RBBP6: variants seen among roughly 807,000 people sequenced by gnomAD.
RBBP6 encodes the protein RB binding protein 6, ubiquitin ligase.
Under a neutral mutation model 167.7 loss-of-function variants are expected in RBBP6, and 25 were observed. The observed-to-expected ratio is 0.15, with a 90% confidence interval of 0.11 to 0.21. The LOEUF is 0.21. Ranked by LOEUF, RBBP6 falls within the 10% of genes least tolerant of loss-of-function variation. The pLI is 1.00. For missense variants in RBBP6, 1,868 were observed against 2,134.2 expected (o/e 0.88, Z 2.46); for synonymous variants, 789 against 735.8 (o/e 1.07, Z -1.17).
chr16:24,552,477 A>G (rs1898819882), intron 3 of RBBP6, among the ~76,000 whole-genome samples: 2 of 151,928 alleles, frequency 1.3e-5, no homozygotes, highest in African/African-American at 2.4e-5. Flanking sequence ...CTACGTAGGA[A>G]GCTGTAGGGA....
intron 7 of RBBP6, chr16:24,558,402 TTTTCTC>T: frequency 2.3e-6 from 2 of 868,532 alleles, no homozygotes; most frequent in Non-Finnish European, 2.8e-6. Flanking sequence ...TTTTTTTCTT[TTTTCTC>T]TCTTTTGGGC....
At chr16:24,559,082 T>G (rs1473267070) in intron 7 of RBBP6, among the ~76,000 whole-genome samples, 1 of 152,332 alleles carries the variant, frequency 6.6e-6, no homozygotes, top group Admixed American at 6.5e-5. Context: ...GGAGATTTTT[T>G]GGGATTTTTA....
In RBBP6 at chr16:24,558,048, T is replaced by C. The variant is rs190697754; in HGVS notation, c.675-1457T>C. Reference sequence around the variant, plus strand: ...ATGCTGTTTCTAATTCAGAGACATTTCATAGATGTTTCCAAATAACTTTAG... The same window carrying C: ...ATGCTGTTTCTAATTCAGAGACATTCCATAGATGTTTCCAAATAACTTTAG... On this transcript the variant is annotated intron_variant, in intron 7 of 17. Coordinates refer to ENST00000319715, the MANE Select transcript of RBBP6 (RefSeq NM_006910.5). 2.4e-3 allele frequency among the ~76,000 whole-genome samples: 368 copies of C among 152,360 alleles called. 2 individuals are homozygous for C. Among genetic ancestry groups the C allele is most frequent in the Non-Finnish European group, 3.9e-3 (265 of 68,036 alleles).
rs1017422481 is a variant in RBBP6, at chr16:24,540,437, C to CG, written c.-184dup. 29 of 489,286 alleles carry CG rather than the reference C, an allele frequency of 5.9e-5. No homozygotes were observed. The highest frequency in any genetic ancestry group is 2.6e-4 in the East Asian group (8 of 30,218). The allele number at this position is 489,286 out of a possible 1,614,324, so 30.3% of individuals were successfully genotyped here. ...TCCCCCATGAAGTGATTCTGAGTAT[C>CG]GGGGGGTCTCTGGATTATTGTTCTG... On this transcript the variant is annotated 5_prime_UTR_variant, in exon 1 of 18. Coordinates refer to ENST00000319715, the MANE Select transcript of RBBP6 (RefSeq NM_006910.5).
chr16:24,549,714 T>G (rs1180812605), intron 3 of RBBP6, among the ~76,000 whole-genome samples: 3 of 152,014 alleles, frequency 2.0e-5, no homozygotes, highest in East Asian at 3.8e-4. Context: ...ATAAACTGAT[T>G]ATATTGTTTT....
At chr16:24,556,812 G>A (rs62030523) in intron 7 of RBBP6, among the ~76,000 whole-genome samples, 6,743 of 152,160 alleles carry the variant, frequency 0.044, 357 homozygotes, top group South Asian at 0.26. Flanking sequence ...TTGAGAAACA[G>A]GAGGCTTAAG....
Position 24,568,790 on chromosome 16 carries a change from T to C in RBBP6, c.2100T>C (p.Tyr700=). The C allele has an allele frequency of 6.2e-7, 1 of 1,614,226 alleles. No individual in the cohort carries two copies. The highest frequency in any genetic ancestry group is 8.5e-7 in the Non-Finnish European group (1 of 1,180,044). ...YSGSSYSRSS[Y]TYSKSRSGST... ...GTTCTTCGTATTCAAGAAGTTCATA[T>C]ACTTATTCTAAATCAAGATCTGGTT... Residue 700 remains tyrosine (Y), a synonymous_variant, in exon 17 of 18, where the codon TAT becomes TAC. Transcript: ENST00000319715.
intron 2 of RBBP6, among the ~76,000 whole-genome samples, chr16:24,546,631 AT>A (rs1384488005): frequency 6.6e-6 from 1 of 152,166 alleles, no homozygotes; most frequent in Admixed American, 6.5e-5. Flanking sequence ...GGTCCTAAAT[AT>A]TTTGACAGCA....
chr16:24,547,510 T>C (rs532379031), intron 2 of RBBP6, among the ~76,000 whole-genome samples: 13 of 152,310 alleles, frequency 8.5e-5, no homozygotes, highest in South Asian at 2.1e-4. Context: ...TTGCCCAGCC[T>C]GGAGTGCAGT....
Position 24,540,752 on chromosome 16 carries a change from C to G in RBBP6, c.126C>G (p.Ala42=). 3 of 1,613,922 alleles carry G rather than the reference C, an allele frequency of 1.9e-6. No homozygotes were observed. The highest frequency in any genetic ancestry group is 1.1e-5 in the South Asian group (1 of 91,066). The change falls in exon 1 of 18, where the codon GCC becomes GCG. Residue 42 remains alanine, a synonymous_variant. Transcript: ENST00000319715. ...QIMGREKLKA[A]DCDLQITNAQ... ...TGGGGAGAGAGAAGCTGAAAGCTGCCGACTGCGACCTGCAGATCACCAATG... is the reference window on the plus strand; with the variant it reads ...TGGGGAGAGAGAAGCTGAAAGCTGCGGACTGCGACCTGCAGATCACCAATG...
intron 11 of RBBP6, 50 bp from the exon 12 acceptor site, chr16:24,563,373 T>C (rs947250139): frequency 6.0e-6 from 8 of 1,334,080 alleles, no homozygotes; most frequent in Non-Finnish European, 8.1e-6. Context: ...CTTACCTCTT[T>C]TTTTTTTTTT....
intron 14 of RBBP6, among the ~76,000 whole-genome samples, chr16:24,566,177 C>T (rs928755148): frequency 1.3e-5 from 2 of 152,158 alleles, no homozygotes; most frequent in Admixed American, 1.3e-4. Flanking sequence ...ATTCATGGCT[C>T]ACTGAAAAGA....
chr16:24,560,401 C>T (rs928868099), intron 8 of RBBP6, among the ~76,000 whole-genome samples: 17 of 152,272 alleles, frequency 1.1e-4, no homozygotes, highest in Admixed American at 1.0e-3. Flanking sequence ...CCACCGCGCC[C>T]GACATCTGTA....
intron 3 of RBBP6, among the ~76,000 whole-genome samples, chr16:24,549,794 A>G (rs1898752449): frequency 6.6e-6 from 1 of 152,018 alleles, no homozygotes; most frequent in Non-Finnish European, 1.5e-5. Context: ...TTTCCCTCTT[A>G]TACTAAAATG....
At chr16:24,552,901 T>C (rs943275620) in intron 3 of RBBP6, 11 of 151,970 alleles carry the variant, frequency 7.2e-5, no homozygotes, top group Non-Finnish European at 2.9e-5. Flanking sequence ...CTGTTGGCCT[T>C]CTCCTCAGGG....
chr16:24,569,530 G>T lies in RBBP6; in HGVS notation c.2840G>T (p.Gly947Val), dbSNP rs769214931. 3.2e-6 allele frequency: 5 copies of T among 1,557,576 alleles called. No individual in the cohort carries two copies. The highest frequency in any genetic ancestry group is 4.4e-6 in the Non-Finnish European group (5 of 1,131,244). Residue 947 changes from glycine (G) to valine (V), a missense_variant, in exon 17 of 18, where the codon GGT (glycine) becomes GTT (valine). Around this residue, in one of 7 missense-constraint regions of RBBP6, gnomAD observed 673 missense variants for 691.5 expected, o/e 0.97. Transcript: ENST00000319715. The part of the protein sequence containing the change: ...RKRRKGEESE[G>V]FLNPELLETS... ...AGAAGAAAAGGGGAGGAAAGTGAGG[G>T]TTTTCTGAACCCAGAGTTATTAGAG...
In RBBP6 at chr16:24,569,710, G is replaced by A. The variant is rs117698231; in HGVS notation, c.3020G>A (p.Arg1007Lys). ...AAATCAGTGTCTGAAAAAGACAAGAGAGAAAGGGATAAACCAAAAGCAAAG... is the reference window on the plus strand; with the variant it reads ...AAATCAGTGTCTGAAAAAGACAAGAAAGAAAGGGATAAACCAAAAGCAAAG... ...TFKSVSEKDK[R>K]ERDKPKAKGD... Residue 1007 changes from arginine (R) to lysine (K), a missense_variant, in exon 17 of 18, where the codon AGA becomes AAA. Coordinates refer to ENST00000319715, the MANE Select transcript of RBBP6 (RefSeq NM_006910.5). 677 of 1,614,006 alleles carry A rather than the reference G, an allele frequency of 4.2e-4. 4 individuals are homozygous for A. The East Asian group carries it at 8.6e-3, about 21-fold the overall frequency.
intron 1 of RBBP6, among the ~76,000 whole-genome samples, chr16:24,544,328 T>G (rs906362694): frequency 6.6e-6 from 1 of 152,178 alleles, no homozygotes; most frequent in African/African-American, 2.4e-5. Context: ...AGATAAAGAT[T>G]ATAGTCCTAC....
At chr16:24,550,298 A>G (rs1368299909) in intron 3 of RBBP6, among the ~76,000 whole-genome samples, 1 of 151,256 alleles carries the variant, frequency 6.6e-6, no homozygotes, top group Non-Finnish European at 1.5e-5. Context: ...CAGTGATTCT[A>G]AGATCAAAAG....
Sources: allele counts gnomAD v4.1 joint callset (sites outside exome capture counted in the v4.1 genomes callset), GRCh38; gene constraint gnomAD v4.1.1; regional missense constraint gnomAD v4.1.1; transcripts MANE v1.5; gene names NCBI Gene and HGNC (gene_info 2026-07-23, HGNC 2026-07-21).